The following EML6 variants were observed in gnomAD, a reference collection of about 807,000 sequenced individuals.
EML6 encodes EMAP like 6.
Under a neutral mutation model 240.1 loss-of-function variants are expected in EML6, and 154 were observed. The observed-to-expected ratio is 0.64, with a 90% CI of 0.56 to 0.73. The LOEUF (loss-of-function observed/expected upper bound fraction) is 0.73, where lower values mean the gene tolerates loss of function less well. Ranked by LOEUF, EML6 falls within the 30% of genes least tolerant of loss-of-function variation. The probability of loss-of-function intolerance (pLI) is 0.00; values close to 1 mark genes in which losing one functional copy is unlikely to be tolerated. For synonymous variants in EML6, 1,148 were observed against 899.0 expected, an observed-to-expected ratio of 1.28 and a Z score of -4.95; for missense variants, 2,964 against 2,474.6, an observed-to-expected ratio of 1.20 and a Z score of -4.20.
chr2:54,816,883 A>C lies in EML6; in HGVS notation c.454A>C (p.Arg152=). 2 of 1,547,764 alleles carry C rather than the reference A, an allele frequency of 1.3e-6. No homozygotes were observed. The highest frequency in any genetic ancestry group is 2.4e-5 in the South Asian group (2 of 83,972). ...GGCGTCAGCCACCGGCCATTCTGAC[A>C]GGGTAAGAACTTGTTGGATCAAGCT... ...LLASATGHSD[R]IFDISWDPYQ... is the part of the protein sequence containing the mutation. The change falls in exon 4 of 42, where the codon AGG becomes CGG. Residue 152 remains arginine (R), a splice_region_variant and synonymous_variant. Transcript: ENST00000356458.
At position 54,849,981 on chromosome 2, in the gene EML6, C is replaced by G. The variant is rs1207000344; in HGVS notation, c.1207C>G (p.His403Asp). 4 of 1,551,080 alleles carry G rather than the reference C, an allele frequency of 2.6e-6. No homozygotes were observed. Among genetic ancestry groups the G allele is most frequent in the Non-Finnish European group, 2.6e-6 (3 of 1,146,630 alleles). The change falls in exon 10 of 42, where the codon CAC becomes GAC. Residue 403 changes from histidine to aspartate, a missense_variant. His to Asp is a moderately conservative substitution (Grantham distance 81). Transcript: ENST00000356458. ...TTACAGAGATATGACAGAAGTAGTT[C>G]ACATCAAAGATCGAAAAGAAGTCAT... ...LRVRDMTEVV[H>D]IKDRKEVIHE... is the part of the protein sequence containing the mutation.
At chr2:54,968,051 C>G in intron 39 of EML6, 77 bp from the exon 40 acceptor site, 2 of 1,385,740 alleles carry the variant, frequency 1.4e-6, no homozygotes, top group South Asian at 2.5e-5. Context: ...TTCCTTATCC[C>G]TGGGAGGTGA....
chr2:54,946,339 T>G lies in EML6; in HGVS notation c.4005-2543T>G, dbSNP rs144551702. Among the ~76,000 whole-genome samples the G allele has an allele frequency of 1.6e-3, 249 of 152,292 alleles. 1 individual carries two copies. The East Asian group carries it at 0.045, about 27-fold the overall frequency. ...GGGTCTCCCTGCCAATGCCGGGTTG[T>G]GCCCACAGCCTTCCTCGCACTCCTG... On this transcript the variant is annotated intron_variant, in intron 28 of 41. Coordinates refer to ENST00000356458, the MANE Select transcript of EML6 (RefSeq NM_001039753.4).
chr2:54,967,394 T>C (rs1676795005), intron 39 of EML6, among the ~76,000 whole-genome samples: 1 of 152,134 alleles, frequency 6.6e-6, no homozygotes, highest in Non-Finnish European at 1.5e-5. Flanking sequence ...TCTTGGCCAA[T>C]CCTAGTGCAC....
intron 7 of EML6, among the ~76,000 whole-genome samples, chr2:54,843,564 G>A (rs1669576243): frequency 6.6e-6 from 1 of 152,148 alleles, no homozygotes; most frequent in Non-Finnish European, 1.5e-5. Context: ...CACAGAATGG[G>A]CTGGGCGTGG....
chr2:54,963,682 G>T (rs1207948653), intron 36 of EML6, among the ~76,000 whole-genome samples: 1 of 152,224 alleles, frequency 6.6e-6, no homozygotes, highest in Non-Finnish European at 1.5e-5. Context: ...TTGTGCTACA[G>T]TGGCAAAGGT....
At chr2:54,737,688 G>A (rs1425938303) in intron 2 of EML6, among the ~76,000 whole-genome samples, 1 of 152,156 alleles carries the variant, frequency 6.6e-6, no homozygotes, top group Non-Finnish European at 1.5e-5. Flanking sequence ...AAACACAGCA[G>A]CCAGAGTTAT....
chr2:54,891,176 A>G (rs1455039259), intron 18 of EML6, 22 bp downstream of exon 18: 2 of 1,215,864 alleles, frequency 1.6e-6, no homozygotes, highest in South Asian at 1.5e-5. Flanking sequence ...TGGGTTTATC[A>G]TTTATGTGAT....
intron 28 of EML6, among the ~76,000 whole-genome samples, chr2:54,948,611 C>G (rs950977965): frequency 5.9e-5 from 9 of 152,210 alleles, no homozygotes. Context: ...CCCCCTGCTC[C>G]CAGGAGAAGG....
intron 2 of EML6, among the ~76,000 whole-genome samples, chr2:54,794,897 A>T (rs1447109033): frequency 6.6e-6 from 1 of 152,194 alleles, no homozygotes. Flanking sequence ...CATCTGTATG[A>T]TGGCAACTGA....
At chr2:54,895,588 A>G (rs576311760) in intron 21 of EML6, among the ~76,000 whole-genome samples, 188 bp downstream of exon 21, 55 of 152,262 alleles carry the variant, frequency 3.6e-4, no homozygotes, top group African/African-American at 1.1e-3. Context: ...ACACACATTT[A>G]TTTTCTCACA....
chr2:54,831,900 C>T (rs1008800421), intron 7 of EML6, among the ~76,000 whole-genome samples: 6 of 152,154 alleles, frequency 3.9e-5, no homozygotes, highest in African/African-American at 7.2e-5. Context: ...TTGCTGCTGA[C>T]GACCAGTACT....
At chr2:54,767,705 G>A (rs187316345) in intron 2 of EML6, among the ~76,000 whole-genome samples, 1 of 151,762 alleles carries the variant, frequency 6.6e-6, no homozygotes, top group Non-Finnish European at 1.5e-5. Flanking sequence ...TAGAGACGGG[G>A]TCTCATTATA....
chr2:54,798,016 T>A, intron 2 of EML6, among the ~76,000 whole-genome samples: 1 of 152,200 alleles, frequency 6.6e-6, no homozygotes, highest in East Asian at 1.9e-4. Context: ...TGGATCAGTT[T>A]GTCAATTTCT....
At chr2:54,924,346 T>G (rs1674426477) in intron 26 of EML6, among the ~76,000 whole-genome samples, 1 of 151,046 alleles carries the variant, frequency 6.6e-6, no homozygotes, top group Non-Finnish European at 1.5e-5. Context: ...CTCTGATGAC[T>G]AAGGATGCTG....
intron 28 of EML6, among the ~76,000 whole-genome samples, chr2:54,937,740 G>C (rs1190762585): frequency 1.3e-5 from 2 of 151,896 alleles, no homozygotes; most frequent in African/African-American, 4.8e-5. Context: ...GTTTTACCTG[G>C]GTAGATGACA....
At chr2:54,913,221 G>T (rs1481464395) in intron 25 of EML6, among the ~76,000 whole-genome samples, 1 of 151,184 alleles carries the variant, frequency 6.6e-6, no homozygotes, top group Admixed American at 6.6e-5. Flanking sequence ...TTTGAGACGT[G>T]TCTTTTCATA....
intron 34 of EML6, 34 bp from the exon 35 acceptor site, chr2:54,960,186 G>T (rs1327535102): frequency 6.8e-7 from 1 of 1,462,186 alleles, no homozygotes; most frequent in Non-Finnish European, 9.4e-7. Flanking sequence ...TAGGATGAGG[G>T]TTAACAGCCT....
intron 22 of EML6, 23 bp from the exon 23 acceptor site, chr2:54,903,021 G>A: frequency 6.5e-7 from 1 of 1,545,504 alleles, no homozygotes; most frequent in Non-Finnish European, 8.7e-7. Context: ...GATAATAAGT[G>A]TTTTTTGTGG....
Sources: gnomAD v4.1 joint callset for allele counts (sites outside exome capture counted in the v4.1 genomes callset) on GRCh38, gnomAD v4.1.1 for gene constraint, MANE v1.5 for transcripts, NCBI Gene and HGNC (gene_info 2026-07-23, HGNC 2026-07-21) for gene names.